Variants in SMC6 observed in about 807,000 individuals in gnomAD.
SMC6 encodes the protein structural maintenance of chromosomes 6.
Under a neutral mutation model 142.2 loss-of-function variants are expected in SMC6, and 79 were observed. The observed-to-expected ratio is 0.56, with a 90% CI of 0.46 to 0.67. The LOEUF (loss-of-function observed/expected upper bound fraction) is 0.67, where lower values mean the gene tolerates loss of function less well. Among genes scored for constraint, SMC6 ranks in the 30% least tolerant of loss-of-function variants. The pLI, the probability that SMC6 is intolerant of heterozygous loss-of-function variation, is 0.00. For synonymous variants in SMC6, 411 were observed against 412.4 expected (o/e 1.00, Z 0.04); for missense variants, 1,072 against 1,284.0 (o/e 0.83, Z 2.52).
At chr2:17,746,109 G>A (rs1670732940) in intron 2 of SMC6, 158 bp from the exon 3 acceptor site, 1 of 702,132 alleles carries the variant, frequency 1.4e-6, no homozygotes, top group African/African-American at 1.9e-5. Context: ...TTGCACTAAG[G>A]AAGAGGGACA....
At chr2:17,686,555 A>G (rs1035432226) in intron 23 of SMC6, among the ~76,000 whole-genome samples, 4 of 152,192 alleles carry the variant, frequency 2.6e-5, no homozygotes, top group Non-Finnish European at 5.9e-5. Context: ...TATGATGCCA[A>G]AAGTGAAAAA....
At chr2:17,693,311 T>C (rs147936197) in intron 23 of SMC6, among the ~76,000 whole-genome samples, 403 of 152,248 alleles carry the variant, frequency 2.6e-3, no homozygotes, top group African/African-American at 8.4e-3. Flanking sequence ...CAAATGTCCA[T>C]CAATGATAGA....
At chr2:17,732,960 A>AT (rs1669981931) in intron 5 of SMC6, among the ~76,000 whole-genome samples, 1 of 152,210 alleles carries the variant, frequency 6.6e-6, no homozygotes. Flanking sequence ...TTAAAATAAG[A>AT]CTTGGTAGAA....
At chr2:17,710,736 C>T (rs532987064) in intron 16 of SMC6, among the ~76,000 whole-genome samples, 7 of 152,130 alleles carry the variant, frequency 4.6e-5, no homozygotes, top group South Asian at 2.1e-4. Flanking sequence ...TTGAGTTAAG[C>T]GAAGTGAGGC....
At chr2:17,673,310 T>G (rs1174874799) in intron 25 of SMC6, among the ~76,000 whole-genome samples, 3 of 152,174 alleles carry the variant, frequency 2.0e-5, no homozygotes, top group African/African-American at 7.2e-5. Flanking sequence ...CACAAATATC[T>G]TTTCCTAGTC....
chr2:17,721,112 T>A (rs746180721), intron 10 of SMC6, 30 bp downstream of exon 10: 1 of 1,611,424 alleles, frequency 6.2e-7, no homozygotes, highest in South Asian at 1.1e-5. Flanking sequence ...ATCACATAGA[T>A]ACGTGAACAA....
Position 17,716,123 on chromosome 2 carries a change from T to A in SMC6, c.1488A>T (p.Arg496Ser). 2 of 1,603,864 alleles carry A rather than the reference T, an allele frequency of 1.2e-6. No homozygotes were observed. Among genetic ancestry groups the A allele is most frequent in the Non-Finnish European group, 1.7e-6 (2 of 1,177,418 alleles). ...CAGGTTTATAGGTAAAATGTCCTTG[T>A]CTATAAGCATCATCTATGGCTTCAA... ...ALLEAIDDAY[R>S]QGHFTYKPVG... The change falls in exon 15 of 28, where the codon AGA (arginine) becomes AGT (serine). Residue 496 changes from arginine (R) to serine (S), a missense_variant. This residue lies in a region of SMC6 where 994 missense variants were observed against 1,153.2 expected (regional missense o/e 0.86). Transcript: ENST00000448223.
intron 21 of SMC6, among the ~76,000 whole-genome samples, chr2:17,699,427 T>G (rs2124930155): frequency 6.6e-6 from 1 of 152,260 alleles, no homozygotes; most frequent in East Asian, 1.9e-4. Context: ...TGCAGATTAC[T>G]TTGGGTTTAT....
chr2:17,734,691 A>G (rs970702487), intron 5 of SMC6, among the ~76,000 whole-genome samples: 2 of 152,088 alleles, frequency 1.3e-5, no homozygotes, highest in African/African-American at 2.4e-5. Context: ...GTACAGTGAG[A>G]ACTTCAGAAG....
rs753429664 is a variant in SMC6, at chr2:17,666,532, CA to C, written c.3064-16del. 4 of 1,592,612 alleles carry C rather than the reference CA, an allele frequency of 2.5e-6. No individual in the cohort carries two copies. The South Asian group carries it at 3.3e-5, about 13-fold the overall frequency. ...TTAACCATATCCTGAAAAACAAAGG[CA>C]AAAGTTAGGATTGCTATTGTGTAAG... On this transcript the variant is annotated splice_polypyrimidine_tract_variant and intron_variant, in intron 26 of 27. Coordinates refer to ENST00000448223, the MANE Select transcript of SMC6 (RefSeq NM_001142286.2).
chr2:17,748,752 G>T (rs915103106), intron 2 of SMC6, among the ~76,000 whole-genome samples: 1 of 152,046 alleles, frequency 6.6e-6, no homozygotes, highest in Non-Finnish European at 1.5e-5. Context: ...TTACTTTTTG[G>T]TGTCCCCAAC....
chr2:17,745,401 T>G (rs1419472878), intron 3 of SMC6, among the ~76,000 whole-genome samples: 2 of 152,214 alleles, frequency 1.3e-5, no homozygotes, highest in Non-Finnish European at 2.9e-5. Context: ...GATGATCTAT[T>G]TCGTACTGGG....
intron 16 of SMC6, among the ~76,000 whole-genome samples, chr2:17,712,741 A>G (rs999027401): frequency 2.6e-5 from 4 of 152,236 alleles, no homozygotes; most frequent in African/African-American, 9.6e-5. Context: ...TAGCATTTGA[A>G]CCATAATTCA....
chr2:17,703,097 C>T, intron 19 of SMC6, 60 bp downstream of exon 19: 1 of 1,101,732 alleles, frequency 9.1e-7, no homozygotes, highest in South Asian at 1.8e-5. Context: ...ATCTTAAAAT[C>T]AACTTCGTAG....
intron 25 of SMC6, among the ~76,000 whole-genome samples, chr2:17,675,327 A>G (rs1666951916): frequency 6.6e-6 from 1 of 151,988 alleles, no homozygotes; most frequent in African/African-American, 2.4e-5. Flanking sequence ...CATATATTTG[A>G]CTTTTACAGC....
chr2:17,703,825 G>A lies in SMC6; in HGVS notation c.2007-533C>T, dbSNP rs550032993. ...TTTGTAGTATATTGTATAATATACT[G>A]TACTGTATATACTGTATTATAAGAA... On this transcript the variant is annotated intron_variant, in intron 18 of 27. Coordinates refer to ENST00000448223, the MANE Select transcript of SMC6 (RefSeq NM_001142286.2). Among the ~76,000 whole-genome samples the A allele has an allele frequency of 2.0e-4, 30 of 151,918 alleles. No individual in the cohort carries two copies. In the South Asian group the frequency reaches 4.2e-3, roughly 21 times the overall value.
chr2:17,720,915 A>C, intron 11 of SMC6, 25 bp downstream of exon 11: 1 of 1,577,444 alleles, frequency 6.3e-7, no homozygotes, highest in Non-Finnish European at 8.7e-7. Flanking sequence ...AACCTATTAA[A>C]TCTGCATTTA....
At chr2:17,717,221 AT>A in intron 12 of SMC6, 45 bp from the exon 13 acceptor site, 1 of 1,414,000 alleles carries the variant, frequency 7.1e-7, no homozygotes. Context: ...GAAAACACAA[AT>A]ATCCCATTCA....
chr2:17,725,893 G>A lies in SMC6; in HGVS notation c.624+496C>T, dbSNP rs543898626. On this transcript the variant is annotated intron_variant, in intron 8 of 27. Transcript: ENST00000448223. The stretch of plus-strand genomic sequence containing the variant: ...ACTTGAGGCCAGGATTTTGAGACCA[G>A]CCTGGCCAAACTGGTGAAACCCCAT... Among the ~76,000 whole-genome samples, 12 of 152,012 alleles carry A rather than the reference G, an allele frequency of 7.9e-5. 1 individual carries two copies. In the South Asian group the frequency reaches 2.5e-3, roughly 32 times the overall value.
Sources: allele counts gnomAD v4.1 joint callset (sites outside exome capture counted in the v4.1 genomes callset), GRCh38; gene constraint gnomAD v4.1.1; regional missense constraint gnomAD v4.1.1; transcripts MANE v1.5; gene names NCBI Gene and HGNC (gene_info 2026-07-23, HGNC 2026-07-21).